The following LRRC7 variants were observed in gnomAD, a reference collection of about 807,000 sequenced individuals.
The protein encoded by LRRC7 is leucine rich repeat containing 7, also known as leucine-rich repeat-containing protein 7.
In LRRC7, 23 loss-of-function variants were observed where a neutral mutation model predicts 175.7. The ratio of observed to expected loss-of-function variants is 0.13; its 90% confidence interval spans 0.09 to 0.19. LRRC7 has a LOEUF of 0.19. Among genes scored for constraint, LRRC7 ranks in the 10% least tolerant of loss-of-function variants. LRRC7 has a pLI of 1.00. For missense variants in LRRC7, 1,354 were observed against 1,904.7 expected (o/e 0.71, Z 5.38); for synonymous variants, 685 against 680.9 (o/e 1.01, Z -0.09).
At chr1:69,723,027 A>G (rs1412613579) in intron 2 of LRRC7, among the ~76,000 whole-genome samples, 1 of 152,064 alleles carries the variant, frequency 6.6e-6, no homozygotes, top group Non-Finnish European at 1.5e-5. Flanking sequence ...TTAAAGGTAT[A>G]TGAGGTAAAA....
At chr1:69,948,900 T>C (rs1223314805) in intron 8 of LRRC7, among the ~76,000 whole-genome samples, 1 of 152,188 alleles carries the variant, frequency 6.6e-6, no homozygotes, top group Non-Finnish European at 1.5e-5. Context: ...CCTCCTTCTA[T>C]ATCTGACTCT....
intron 2 of LRRC7, among the ~76,000 whole-genome samples, chr1:69,725,570 A>G (rs960395597): frequency 6.6e-6 from 1 of 152,218 alleles, no homozygotes; most frequent in East Asian, 1.9e-4. Context: ...TGATGACAAG[A>G]TTCTTCAGAT....
chr1:69,840,689 T>C (rs1020230709), intron 7 of LRRC7, among the ~76,000 whole-genome samples: 1 of 152,100 alleles, frequency 6.6e-6, no homozygotes, highest in African/African-American at 2.4e-5. Context: ...TTCCTTATAA[T>C]GTTTATGATC....
At chr1:69,746,514 A>G (rs1669271101) in intron 2 of LRRC7, among the ~76,000 whole-genome samples, 1 of 152,124 alleles carries the variant, frequency 6.6e-6, no homozygotes, top group Non-Finnish European at 1.5e-5. Context: ...ATATAGTTTT[A>G]AATCCTCTTC....
At chr1:69,805,926 G>A (rs1677064545) in intron 4 of LRRC7, among the ~76,000 whole-genome samples, 1 of 151,642 alleles carries the variant, frequency 6.6e-6, no homozygotes, top group Non-Finnish European at 1.5e-5. Context: ...ATCTGTCTTG[G>A]GCTCTTTTAC....
chr1:69,723,946 A>C (rs1174059536), intron 2 of LRRC7, among the ~76,000 whole-genome samples: 1 of 152,164 alleles, frequency 6.6e-6, no homozygotes, highest in Non-Finnish European at 1.5e-5. Context: ...GGAGGTTAAA[A>C]TTTCAACATA....
At chr1:69,628,393 A>G (rs182878481) in intron 1 of LRRC7, among the ~76,000 whole-genome samples, 6 of 152,282 alleles carry the variant, frequency 3.9e-5, no homozygotes, top group East Asian at 1.9e-4. Flanking sequence ...CATTCCCCCA[A>G]TGGAATACTT....
At chr1:69,672,404 C>A (rs527999475) in intron 1 of LRRC7, among the ~76,000 whole-genome samples, 5 of 152,224 alleles carry the variant, frequency 3.3e-5, no homozygotes, top group African/African-American at 1.2e-4. Flanking sequence ...TTGCACAACC[C>A]ACTTCATAGT....
intron 1 of LRRC7, among the ~76,000 whole-genome samples, chr1:69,645,975 C>T (rs1035935739): frequency 2.6e-5 from 4 of 151,960 alleles, no homozygotes; most frequent in Non-Finnish European, 5.9e-5. Context: ...AAGTTTTATA[C>T]CTCAGAATGG....
chr1:70,070,220 C>T (rs1662279039), intron 23 of LRRC7, among the ~76,000 whole-genome samples: 1 of 152,136 alleles, frequency 6.6e-6, no homozygotes, highest in Non-Finnish European at 1.5e-5. Flanking sequence ...GTCTTGAACT[C>T]CTGGCCTCAA....
Position 70,039,568 on chromosome 1 carries a change from C to T in LRRC7, c.3744C>T (p.Tyr1248=), listed in dbSNP as rs143779068. 7.5e-4 allele frequency: 1,205 copies of T among 1,614,084 alleles called. No homozygotes were observed. Among genetic ancestry groups the T allele is most frequent in the Non-Finnish European group, 9.5e-4 (1,118 of 1,180,014 alleles). The change falls in exon 21 of 27, where the codon TAC becomes TAT. Residue 1248 remains tyrosine (Y), a synonymous_variant. Transcript: ENST00000651989. ...CGAGAAGCTACAGTACAGAGAGTTACGGTGCCTCCCAAACCAGGCCAGTTT... is the reference window on the plus strand; with the variant it reads ...CGAGAAGCTACAGTACAGAGAGTTATGGTGCCTCCCAAACCAGGCCAGTTT... ...LSARSYSTES[Y]GASQTRPVSA... is the part of the protein sequence containing the mutation.
chr1:69,678,516 G>A (rs1331303069), intron 2 of LRRC7, 38 bp downstream of exon 2: 1 of 1,464,930 alleles, frequency 6.8e-7, no homozygotes, highest in Non-Finnish European at 9.4e-7. Flanking sequence ...GTTCTAGATA[G>A]ATTTTGGTGA....
intron 10 of LRRC7, among the ~76,000 whole-genome samples, chr1:69,993,844 A>G (rs1654675800): frequency 6.6e-6 from 1 of 152,182 alleles, no homozygotes; most frequent in Non-Finnish European, 1.5e-5. Context: ...ATGGTTGGAT[A>G]AGGAAGTTGA....
chr1:69,998,116 A>T (rs934748939), intron 11 of LRRC7, among the ~76,000 whole-genome samples: 1 of 152,156 alleles, frequency 6.6e-6, no homozygotes, highest in African/African-American at 2.4e-5. Context: ...AAGAGGGGAA[A>T]GCCTTATTTT....
intron 1 of LRRC7, among the ~76,000 whole-genome samples, chr1:69,597,767 A>C (rs1273006894): frequency 1.3e-5 from 2 of 152,210 alleles, no homozygotes; most frequent in East Asian, 3.9e-4. Context: ...TCTATTTCAC[A>C]TGATGGCCAT....
chr1:69,660,894 G>A (rs1469367072), intron 1 of LRRC7, among the ~76,000 whole-genome samples: 2 of 152,036 alleles, frequency 1.3e-5, no homozygotes, highest in Non-Finnish European at 2.9e-5. Flanking sequence ...GATAATGAGG[G>A]AGACGGATTG....
rs1654936094 is a variant in LRRC7, at chr1:69,996,103, G to A, written c.1004+1470G>A. On this transcript the variant is annotated intron_variant, in intron 11 of 26. Transcript: ENST00000651989. ...TTTTGAATGATTGCCATTCTAACTG[G>A]TGTGAGATGGTATCTCATTGTGGTT... 3.3e-5 allele frequency among the ~76,000 whole-genome samples: 5 copies of A among 151,396 alleles called. No individual in the cohort carries two copies. The South Asian group carries it at 1.1e-3, about 32-fold the overall frequency.
intron 1 of LRRC7, among the ~76,000 whole-genome samples, chr1:69,576,353 C>T (rs1216374431): frequency 6.6e-6 from 1 of 151,986 alleles, no homozygotes; most frequent in Admixed American, 6.6e-5. Context: ...ATAAACGTTT[C>T]ATTTATATTT....
chr1:69,843,773 G>A (rs941023976), intron 7 of LRRC7, among the ~76,000 whole-genome samples: 5 of 152,038 alleles, frequency 3.3e-5, no homozygotes, highest in African/African-American at 4.8e-5. Context: ...GAGCTACACC[G>A]ACAGCTGCAC....
Sources: gnomAD v4.1 joint callset for allele counts (sites outside exome capture counted in the v4.1 genomes callset) on GRCh38, gnomAD v4.1.1 for gene constraint, MANE v1.5 for transcripts, NCBI Gene and HGNC (gene_info 2026-07-23, HGNC 2026-07-21) for gene names.